The following MYO3B variants were observed in gnomAD, a reference collection of about 807,000 sequenced individuals.
MYO3B encodes the protein myosin IIIB.
In MYO3B, 156 loss-of-function variants were observed where a neutral mutation model predicts 174.6. The observed-to-expected ratio is 0.89, with a 90% CI of 0.78 to 1.02. The LOEUF is 1.02. Ranked by LOEUF, MYO3B falls within the 50% of genes least tolerant of loss-of-function variation. The pLI is 0.00. For synonymous variants in MYO3B, 563 were observed against 569.1 expected (o/e 0.99, Z 0.15); for missense variants, 1,632 against 1,639.4 (o/e 1.00, Z 0.08).
intron 23 of MYO3B, among the ~76,000 whole-genome samples, chr2:170,458,466 T>C (rs1684041150): frequency 6.6e-6 from 1 of 152,200 alleles, no homozygotes; most frequent in South Asian, 2.1e-4. Context: ...AAAGAACATA[T>C]ACTTTGGAGA....
intron 6 of MYO3B, among the ~76,000 whole-genome samples, chr2:170,230,832 G>C (rs187062785): frequency 2.0e-5 from 3 of 152,290 alleles, no homozygotes; most frequent in Admixed American, 1.3e-4. Flanking sequence ...CAGTGCTTCG[G>C]ATGAGGCCCA....
rs2094476647 is a variant in MYO3B, at chr2:170,401,626, TG to T, written c.2067del (p.Arg690GlyfsTer7). 2 of 1,614,074 alleles carry T rather than the reference TG, an allele frequency of 1.2e-6. No individual in the cohort carries two copies. Among genetic ancestry groups the T allele is most frequent in the East Asian group, 4.5e-5 (2 of 44,862 alleles). On this transcript the variant is annotated frameshift_variant, in exon 18 of 35. Coordinates refer to ENST00000408978, the MANE Select transcript of MYO3B (RefSeq NM_138995.5). LOFTEE classifies it high-confidence loss of function. ...GAGACGCCATGTCCAAAGCCCTGTA[TG>T]GGAGGCTCTTCAGCTGGATTGTGAA... The part of the protein sequence containing the change: ...VRDAMSKALY[G>X]RLFSWIVNRI...
intron 25 of MYO3B, among the ~76,000 whole-genome samples, chr2:170,492,477 G>A (rs894208654): frequency 2.6e-5 from 4 of 152,190 alleles, no homozygotes; most frequent in Admixed American, 2.0e-4. Flanking sequence ...TTTTGCCCAC[G>A]TTGTGTTGAA....
intron 30 of MYO3B, among the ~76,000 whole-genome samples, chr2:170,521,660 C>A (rs111604494): frequency 0.033 from 5,089 of 152,234 alleles, 236 homozygotes; most frequent in African/African-American, 0.098. Context: ...GTAGCACCTC[C>A]CCTGCTTTCC....
intron 16 of MYO3B, among the ~76,000 whole-genome samples, chr2:170,396,719 A>G (rs762356660): frequency 6.6e-6 from 1 of 152,156 alleles, no homozygotes; most frequent in Non-Finnish European, 1.5e-5. Context: ...GCTGGTTTCA[A>G]GGGTATAGTC....
At chr2:170,576,580 A>G (rs1357791795) in intron 32 of MYO3B, among the ~76,000 whole-genome samples, 3 of 152,250 alleles carry the variant, frequency 2.0e-5, no homozygotes, top group East Asian at 3.8e-4. Flanking sequence ...CGTCACACAG[A>G]GCATGAGGCT....
intron 32 of MYO3B, among the ~76,000 whole-genome samples, chr2:170,614,130 G>A (rs1695300439): frequency 6.6e-6 from 1 of 152,018 alleles, no homozygotes; most frequent in South Asian, 2.1e-4. Flanking sequence ...AGAAGCAATG[G>A]GGCATAACAA....
intron 22 of MYO3B, among the ~76,000 whole-genome samples, chr2:170,414,270 A>G (rs2094564432): frequency 6.6e-6 from 1 of 151,870 alleles, no homozygotes. Flanking sequence ...TCACTGAAAC[A>G]TCCATCTCCC....
intron 30 of MYO3B, among the ~76,000 whole-genome samples, chr2:170,534,088 G>A (rs371100053): frequency 6.9e-4 from 105 of 152,124 alleles, no homozygotes; most frequent in African/African-American, 2.5e-3. Flanking sequence ...ATTCCCTTTT[G>A]CTTCATTACA....
intron 7 of MYO3B, among the ~76,000 whole-genome samples, chr2:170,265,790 C>A (rs2093378766): frequency 6.6e-6 from 1 of 152,092 alleles, no homozygotes; most frequent in Non-Finnish European, 1.5e-5. Flanking sequence ...CCCTCTATTT[C>A]TTGGCTCATT....
chr2:170,365,608 C>G (rs947650764), intron 8 of MYO3B, among the ~76,000 whole-genome samples: 9 of 152,260 alleles, frequency 5.9e-5, no homozygotes, highest in African/African-American at 2.2e-4. Flanking sequence ...TTCAGACTGG[C>G]TCTTTGCTCC....
Position 170,200,180 on chromosome 2 carries a change from A to T in MYO3B, c.217A>T (p.Asn73Tyr), listed in dbSNP as rs372854866. ...DMDEEIEAEY[N>Y]ILQFLPNHPN... ...GGATGAAGAAATTGAGGCAGAATAC[A>T]ACATTTTGCAGTTCCTTCCTAATCA... Residue 73 changes from asparagine (N) to tyrosine (Y), a missense_variant, in exon 3 of 35, where the codon AAC (asparagine) becomes TAC (tyrosine). Asn to Tyr is a moderately radical substitution (Grantham distance 143, BLOSUM62 -2). Transcript: ENST00000408978. The T allele has an allele frequency of 3.4e-5, 55 of 1,613,268 alleles. No individual in the cohort carries two copies. The highest frequency in any genetic ancestry group is 4.2e-5 in the Non-Finnish European group (49 of 1,179,584).
At chr2:170,384,701 G>A (rs1179477459) in intron 12 of MYO3B, among the ~76,000 whole-genome samples, 3 of 152,134 alleles carry the variant, frequency 2.0e-5, no homozygotes, top group African/African-American at 4.8e-5. Flanking sequence ...AATATATATC[G>A]TTTTTAAGTT....
intron 32 of MYO3B, among the ~76,000 whole-genome samples, chr2:170,558,068 A>G (rs535726387): frequency 7.2e-5 from 11 of 152,252 alleles, no homozygotes; most frequent in Middle Eastern, 3.4e-3. Flanking sequence ...TTGGGAGACC[A>G]AGGCGGGCGG....
chr2:170,264,876 G>A (rs956158714), intron 7 of MYO3B, among the ~76,000 whole-genome samples: 1 of 152,208 alleles, frequency 6.6e-6, no homozygotes, highest in Non-Finnish European at 1.5e-5. Context: ...AAGTTAAGTT[G>A]TAAGTGGATT....
chr2:170,651,491 A>C, intron 32 of MYO3B, 137 bp from the exon 33 acceptor site: 1 of 662,838 alleles, frequency 1.5e-6, no homozygotes, highest in Non-Finnish European at 2.7e-6. Context: ...CATTTCTCCT[A>C]ATATTAGTAA....
At position 170,333,405 on chromosome 2, in the gene MYO3B, GA is replaced by G. The variant is rs570332752; in HGVS notation, c.750-1973del. Among the ~76,000 whole-genome samples, 21 of 152,144 alleles carry G rather than the reference GA, an allele frequency of 1.4e-4. No homozygotes were observed. In the South Asian group the frequency reaches 2.5e-3, roughly 18 times the overall value. On this transcript the variant is annotated intron_variant, in intron 7 of 34. Coordinates refer to ENST00000408978, the MANE Select transcript of MYO3B (RefSeq NM_138995.5). Reference sequence around the variant, plus strand: ...TTTGTCTCTGATCCAGCAGAAGGGGGAAAAAAATTTAACTGCTATTCTTTCT... The same window carrying G: ...TTTGTCTCTGATCCAGCAGAAGGGGGAAAAAATTTAACTGCTATTCTTTCT...
Position 170,466,548 on chromosome 2 carries a change from C to A in MYO3B, c.2851C>A (p.Pro951Thr). 1 of 1,614,160 alleles carries A rather than the reference C, an allele frequency of 6.2e-7. No individual in the cohort carries two copies. The highest frequency in any genetic ancestry group is 1.1e-5 in the South Asian group (1 of 91,080). ...DLLSKMVVGQ[P>T]HFVRCIKPND... The stretch of plus-strand genomic sequence containing the variant: ...GCTCTCCAAAATGGTGGTTGGACAG[C>A]CCCACTTTGTGCGCTGCATTAAACC... The change falls in exon 25 of 35, where the codon CCC (proline) becomes ACC (threonine). Residue 951 changes from proline (P) to threonine (T), a missense_variant. Coordinates refer to ENST00000408978, the MANE Select transcript of MYO3B (RefSeq NM_138995.5).
At chr2:170,476,314 GT>G in intron 25 of MYO3B, among the ~76,000 whole-genome samples, 1 of 89,976 alleles carries the variant, frequency 1.1e-5, no homozygotes, top group Admixed American at 1.1e-4. Context: ...TGGCTTAAGT[GT>G]TAAACCAGCT....
Sources: allele counts gnomAD v4.1 joint callset (sites outside exome capture counted in the v4.1 genomes callset), GRCh38; gene constraint gnomAD v4.1.1; transcripts MANE v1.5; gene names NCBI Gene and HGNC (gene_info 2026-07-23, HGNC 2026-07-21).